The following NXPH2 variants were observed in gnomAD, a reference collection of about 807,000 sequenced individuals.
The protein encoded by NXPH2 is neurexophilin 2.
Under a neutral mutation model 19.8 loss-of-function variants are expected in NXPH2, and 5 were observed. The observed-to-expected ratio is 0.25, with a 90% confidence interval of 0.13 to 0.53. The LOEUF is 0.53. Ranked by LOEUF, NXPH2 falls within the 20% of genes least tolerant of loss-of-function variation. The pLI, the probability that NXPH2 is intolerant of heterozygous loss-of-function variation, is 0.96. For synonymous variants in NXPH2, 154 were observed against 127.4 expected (o/e 1.21, Z -1.41); for missense variants, 289 against 322.8 (o/e 0.90, Z 0.80).
intron 1 of NXPH2, among the ~76,000 whole-genome samples, chr2:138,734,859 G>A (rs1309279114): frequency 6.6e-6 from 1 of 152,196 alleles, no homozygotes; most frequent in Non-Finnish European, 1.5e-5. Flanking sequence ...TCAGTGTAGG[G>A]TAAACTGAGC....
intron 1 of NXPH2, among the ~76,000 whole-genome samples, chr2:138,742,071 C>G (rs1375684877): frequency 1.3e-5 from 2 of 152,144 alleles, no homozygotes; most frequent in African/African-American, 4.8e-5. Flanking sequence ...GAGATCAACA[C>G]AAAATTTGGA....
intron 1 of NXPH2, among the ~76,000 whole-genome samples, chr2:138,739,150 A>G (rs374363715): frequency 6.6e-6 from 1 of 152,196 alleles, no homozygotes; most frequent in Non-Finnish European, 1.5e-5. Flanking sequence ...TATTGCATCA[A>G]TAATAAAAAA....
intron 1 of NXPH2, among the ~76,000 whole-genome samples, chr2:138,755,580 G>A (rs929651617): frequency 6.6e-6 from 1 of 151,962 alleles, no homozygotes; most frequent in Non-Finnish European, 1.5e-5. Flanking sequence ...GAATACTACA[G>A]CCTAATAGTA....
intron 1 of NXPH2, among the ~76,000 whole-genome samples, 178 bp downstream of exon 1, chr2:138,780,013 C>T (rs1452701160): frequency 6.6e-6 from 1 of 152,188 alleles, no homozygotes; most frequent in Admixed American, 6.5e-5. Flanking sequence ...CCCGTCTATT[C>T]CGTTCTTCAA....
chr2:138,680,160 T>C (rs1382381102), intron 1 of NXPH2, among the ~76,000 whole-genome samples: 2 of 152,188 alleles, frequency 1.3e-5, no homozygotes, highest in Non-Finnish European at 2.9e-5. Flanking sequence ...AAATGGTTAA[T>C]GGGTGCTGTA....
At chr2:138,779,138 A>C (rs1445445575) in intron 1 of NXPH2, among the ~76,000 whole-genome samples, 1 of 152,206 alleles carries the variant, frequency 6.6e-6, no homozygotes. Context: ...GAGAGAAGAG[A>C]CTGTCATCTT....
At position 138,729,150 on chromosome 2, in the gene NXPH2, C is replaced by T. The variant is rs779973620; in HGVS notation, c.51+51041G>A. Among the ~76,000 whole-genome samples, 11 of 152,272 alleles carry T rather than the reference C, an allele frequency of 7.2e-5. No individual in the cohort carries two copies. The East Asian group carries it at 1.2e-3, about 16-fold the overall frequency. On this transcript the variant is annotated intron_variant, in intron 1 of 1. Transcript: ENST00000272641. ...TCCTCAACAGCTTTAGTGCCTGATA[C>T]GGTTTGGCTGTGTCCCCACCCAAAT...
intron 1 of NXPH2, among the ~76,000 whole-genome samples, chr2:138,688,892 C>A (rs1342847380): frequency 6.6e-6 from 1 of 152,208 alleles, no homozygotes; most frequent in African/African-American, 2.4e-5. Flanking sequence ...GGTTTGTGTC[C>A]TTTCACTAGG....
In NXPH2 at chr2:138,772,298, A is replaced by ATTATTTATTTAT. The variant is rs56067113; in HGVS notation, c.51+7881_51+7892dup. Among the ~76,000 whole-genome samples, 340 of 151,550 alleles carry ATTATTTATTTAT rather than the reference A, an allele frequency of 2.2e-3. 1 individual carries two copies. The highest frequency in any genetic ancestry group is 7.2e-3 in the African/African-American group (298 of 41,192). ...ACTGGCCTCCATGAGGTTAAATTTT[A>ATTATTTATTTAT]TTATTTATTTATTTAGAGACAGAGT... is the stretch of plus-strand genomic sequence containing the variant. On this transcript the variant is annotated intron_variant, in intron 1 of 1. Transcript: ENST00000272641.
chr2:138,691,746 A>AC (rs1478862062), intron 1 of NXPH2, among the ~76,000 whole-genome samples: 3 of 152,126 alleles, frequency 2.0e-5, no homozygotes, highest in Admixed American at 2.0e-4. Flanking sequence ...ATGAGTGCAA[A>AC]CTGCCAGCCA....
intron 1 of NXPH2, among the ~76,000 whole-genome samples, chr2:138,774,530 CT>C (rs1205412451): frequency 6.6e-6 from 1 of 152,120 alleles, no homozygotes; most frequent in Non-Finnish European, 1.5e-5. Flanking sequence ...TTCAGAACCC[CT>C]GTTACAACAT....
At chr2:138,694,990 AGG>A (rs1168583468) in intron 1 of NXPH2, among the ~76,000 whole-genome samples, 1 of 152,194 alleles carries the variant, frequency 6.6e-6, no homozygotes, top group Admixed American at 6.5e-5. Context: ...TGAATACGGT[AGG>A]CAATTGTAAC....
chr2:138,746,402 T>C lies in NXPH2; in HGVS notation c.51+33789A>G, dbSNP rs547629109. ...ACATGACTGAAACTAAGAACCTCCC[T>C]TGGGGAGGAACTGGCCAAAGCTTTC... On this transcript the variant is annotated intron_variant, in intron 1 of 1. Coordinates refer to ENST00000272641, the MANE Select transcript of NXPH2 (RefSeq NM_007226.3). 2.2e-3 allele frequency among the ~76,000 whole-genome samples: 330 copies of C among 152,118 alleles called. 1 individual carries two copies. The highest frequency in any genetic ancestry group is 0.017 in the Middle Eastern group (5 of 292).
intron 1 of NXPH2, among the ~76,000 whole-genome samples, chr2:138,738,722 G>T (rs1044154951): frequency 1.3e-5 from 2 of 152,230 alleles, no homozygotes; most frequent in Non-Finnish European, 2.9e-5. Flanking sequence ...GAAACAAAGA[G>T]TCAGAACCAA....
chr2:138,752,117 C>T (rs79252593), intron 1 of NXPH2, among the ~76,000 whole-genome samples: 4,270 of 152,142 alleles, frequency 0.028, 76 homozygotes, highest in Middle Eastern at 0.061. Flanking sequence ...TCTAACAATG[C>T]GATAAGGCAA....
intron 1 of NXPH2, among the ~76,000 whole-genome samples, chr2:138,716,923 C>G (rs1246767086): frequency 1.3e-5 from 2 of 152,172 alleles, no homozygotes; most frequent in African/African-American, 4.8e-5. Flanking sequence ...ACACACTTAA[C>G]TTTTGAGCCT....
At chr2:138,774,867 G>T (rs534267771) in intron 1 of NXPH2, among the ~76,000 whole-genome samples, 1 of 152,310 alleles carries the variant, frequency 6.6e-6, no homozygotes, top group South Asian at 2.1e-4. Context: ...CCCAAAACAT[G>T]AATGGAAACA....
intron 1 of NXPH2, among the ~76,000 whole-genome samples, chr2:138,745,891 G>A (rs543154778): frequency 3.4e-4 from 52 of 152,118 alleles, no homozygotes; most frequent in Non-Finnish European, 6.2e-4. Context: ...AATTTGATAC[G>A]GCCCATAAAT....
chr2:138,710,487 C>CT (rs757302067), intron 1 of NXPH2, among the ~76,000 whole-genome samples: 5 of 152,026 alleles, frequency 3.3e-5, no homozygotes, highest in Non-Finnish European at 7.4e-5. Flanking sequence ...AACCGCCAAA[C>CT]TTTTTTTCAG....
Sources: gnomAD v4.1 joint callset for allele counts (sites outside exome capture counted in the v4.1 genomes callset) on GRCh38, gnomAD v4.1.1 for gene constraint, MANE v1.5 for transcripts, NCBI Gene and HGNC (gene_info 2026-07-23, HGNC 2026-07-21) for gene names.